Variants in CCDC91 observed in about 807,000 individuals in gnomAD.
CCDC91 encodes coiled-coil domain containing 91.
CCDC91 carries 48 observed loss-of-function variants against 63.2 expected under a neutral mutation model. That is an observed-to-expected ratio of 0.76 (90% CI 0.60 to 0.97). The LOEUF (loss-of-function observed/expected upper bound fraction) is 0.97. CCDC91 is among the 50% of genes least tolerant of loss of function. The probability of loss-of-function intolerance (pLI) is 0.00; values close to 1 mark genes in which losing one functional copy is unlikely to be tolerated. For missense variants in CCDC91, 500 were observed against 494.6 expected, an observed-to-expected ratio of 1.01 and a Z score of -0.10; for synonymous variants, 167 against 165.8, an observed-to-expected ratio of 1.01 and a Z score of -0.06.
rs148053062 is a variant in CCDC91 at position 28,264,089 on chromosome 12, A to C, written c.109+4647A>C. ...AACAAGAGCAGTCACAGATTTTCTGAAAGAAACAACAGCTATTTTGGTGAC... is the reference window on the plus strand; with the variant it reads ...AACAAGAGCAGTCACAGATTTTCTGCAAGAAACAACAGCTATTTTGGTGAC... On this transcript the variant is annotated intron_variant, in intron 3 of 12. Transcript: ENST00000536442. Among the ~76,000 whole-genome samples, 1,137 of 151,858 alleles carry C rather than the reference A, an allele frequency of 7.5e-3. 13 individuals carry two copies. Among genetic ancestry groups the C allele is most frequent in the Non-Finnish European group, 0.012 (836 of 67,884 alleles).
chr12:28,369,624 T>C (rs1313296139), intron 7 of CCDC91, among the ~76,000 whole-genome samples: 2 of 152,124 alleles, frequency 1.3e-5, no homozygotes, highest in Non-Finnish European at 2.9e-5. Context: ...GTGTAGGGGA[T>C]CCAACCCCAC....
At chr12:28,495,237 G>A (rs1317436809) in intron 12 of CCDC91, among the ~76,000 whole-genome samples, 3 of 151,704 alleles carry the variant, frequency 2.0e-5, no homozygotes, top group East Asian at 1.9e-4. Flanking sequence ...TCAAAAAACC[G>A]TGGGCATGTG....
intron 6 of CCDC91, among the ~76,000 whole-genome samples, chr12:28,358,988 C>T (rs945889393): frequency 1.5e-4 from 23 of 152,260 alleles, no homozygotes; most frequent in Admixed American, 5.9e-4. Context: ...CTCCGCCTCC[C>T]GGGTTCAAGT....
At chr12:28,421,656 T>C (rs2139917241) in intron 8 of CCDC91, among the ~76,000 whole-genome samples, 1 of 151,988 alleles carries the variant, frequency 6.6e-6, no homozygotes, top group East Asian at 1.9e-4. Context: ...TTGATGGGCA[T>C]TTAGGATGAT....
At chr12:28,356,935 C>T (rs1443374546) in intron 6 of CCDC91, among the ~76,000 whole-genome samples, 1 of 152,048 alleles carries the variant, frequency 6.6e-6, no homozygotes, top group African/African-American at 2.4e-5. Context: ...TAATTCATTC[C>T]AAACACATCA....
intron 6 of CCDC91, among the ~76,000 whole-genome samples, chr12:28,326,771 C>G (rs953370839): frequency 3.1e-4 from 47 of 152,090 alleles, no homozygotes; most frequent in African/African-American, 1.1e-3. Flanking sequence ...ATAAATGAAA[C>G]CGGCTTTATT....
chr12:28,492,909 T>C (rs1952086231), intron 12 of CCDC91, among the ~76,000 whole-genome samples: 1 of 151,594 alleles, frequency 6.6e-6, no homozygotes, highest in African/African-American at 2.4e-5. Context: ...TAAGAAAAAG[T>C]TGCTTGCTGT....
intron 3 of CCDC91, among the ~76,000 whole-genome samples, chr12:28,272,902 A>G (rs898093038): frequency 2.0e-5 from 3 of 151,968 alleles, no homozygotes; most frequent in African/African-American, 7.3e-5. Context: ...GGTTAGTTAC[A>G]TATGTATACA....
intron 12 of CCDC91, among the ~76,000 whole-genome samples, chr12:28,529,513 A>G (rs953276831): frequency 6.6e-6 from 1 of 152,200 alleles, no homozygotes; most frequent in Non-Finnish European, 1.5e-5. Context: ...CATTAGGAGC[A>G]TGTTCACACT....
intron 7 of CCDC91, among the ~76,000 whole-genome samples, chr12:28,387,348 T>C (rs2139210025): frequency 6.6e-6 from 1 of 152,322 alleles, no homozygotes; most frequent in South Asian, 2.1e-4. Flanking sequence ...TTAGCTCCAC[T>C]CTTAACTCCA....
chr12:28,280,168 C>T (rs193028359), intron 3 of CCDC91, among the ~76,000 whole-genome samples: 126 of 152,120 alleles, frequency 8.3e-4, no homozygotes, highest in Non-Finnish European at 1.3e-3. Context: ...TGTATTTGAT[C>T]TATTTAAACT....
At chr12:28,294,451 C>T (rs1301637679) in intron 3 of CCDC91, among the ~76,000 whole-genome samples, 1 of 152,056 alleles carries the variant, frequency 6.6e-6, no homozygotes, top group Non-Finnish European at 1.5e-5. Flanking sequence ...AAAGTGTCGC[C>T]CTTCCCCTTC....
intron 12 of CCDC91, among the ~76,000 whole-genome samples, chr12:28,520,729 A>C (rs1379948216): frequency 6.6e-6 from 1 of 152,142 alleles, no homozygotes; most frequent in Non-Finnish European, 1.5e-5. Flanking sequence ...TCTTTAATCT[A>C]TCTTGAATTA....
intron 1 of CCDC91, among the ~76,000 whole-genome samples, chr12:28,197,618 C>T (rs141805682): frequency 5.6e-4 from 85 of 152,144 alleles, no homozygotes; most frequent in African/African-American, 2.0e-3. Flanking sequence ...CACAAGTCTT[C>T]CTGAATCTGT....
chr12:28,274,922 G>A (rs1358447788), intron 3 of CCDC91, among the ~76,000 whole-genome samples: 4 of 151,898 alleles, frequency 2.6e-5, no homozygotes, highest in Non-Finnish European at 4.4e-5. Flanking sequence ...TGAAACCAAC[G>A]AGAACAAAGA....
chr12:28,389,592 A>T (rs1945813452), intron 7 of CCDC91, among the ~76,000 whole-genome samples: 1 of 152,076 alleles, frequency 6.6e-6, no homozygotes, highest in Non-Finnish European at 1.5e-5. Context: ...ATTTTATTTT[A>T]TTAACTTACC....
In CCDC91 at chr12:28,259,404, C is replaced by T; in HGVS notation, c.71C>T (p.Thr24Ile). The change falls in exon 3 of 13, where the codon ACA becomes ATA. Residue 24 changes from threonine (T) to isoleucine (I), a missense_variant. Coordinates refer to ENST00000536442, the MANE Select transcript of CCDC91 (RefSeq NM_018318.5). ...TFDGGSGETQ[T>I]TSPAIPWAAF... Reference sequence around the variant, plus strand: ...GATGGTGGAAGTGGTGAAACCCAAACAACATCTCCTGCTATTCCTTGGGCT... The same window carrying T: ...GATGGTGGAAGTGGTGAAACCCAAATAACATCTCCTGCTATTCCTTGGGCT... 5 of 1,610,448 alleles carry T rather than the reference C, an allele frequency of 3.1e-6. No homozygotes were observed. Among genetic ancestry groups the T allele is most frequent in the South Asian group, 1.1e-5 (1 of 90,960 alleles).
At chr12:28,338,442 T>C (rs1293055038) in intron 6 of CCDC91, among the ~76,000 whole-genome samples, 1 of 151,862 alleles carries the variant, frequency 6.6e-6, no homozygotes, top group Non-Finnish European at 1.5e-5. Flanking sequence ...TGTGTGTGGG[T>C]AGAGAAAACA....
intron 7 of CCDC91, among the ~76,000 whole-genome samples, chr12:28,365,395 G>T (rs1159953727): frequency 6.6e-6 from 1 of 152,022 alleles, no homozygotes; most frequent in Non-Finnish European, 1.5e-5. Flanking sequence ...AACATCAAAA[G>T]CAACCTGTTT....
Sources: gnomAD v4.1 joint callset for allele counts (sites outside exome capture counted in the v4.1 genomes callset) on GRCh38, gnomAD v4.1.1 for gene constraint, MANE v1.5 for transcripts, NCBI Gene and HGNC (gene_info 2026-07-23, HGNC 2026-07-21) for gene names.